The following UBR4 variants were observed in gnomAD, a reference collection of about 807,000 sequenced individuals.
The protein encoded by UBR4 is E3 ubiquitin-protein ligase UBR4.
Under a neutral mutation model 575.6 loss-of-function variants are expected in UBR4, and 124 were observed. The observed-to-expected ratio is 0.22, with a 90% CI of 0.19 to 0.25. UBR4 has a LOEUF of 0.25. Among genes scored for constraint, UBR4 ranks in the 10% least tolerant of loss-of-function variants. UBR4 has a pLI of 1.00. For synonymous variants in UBR4, 2,455 were observed against 2,473.7 expected, an observed-to-expected ratio of 0.99 and a Z score of 0.22; for missense variants, 4,818 against 6,478.8, an observed-to-expected ratio of 0.74 and a Z score of 8.80.
rs151142373 is a variant in UBR4, at chr1:19,141,378, G to A, written c.8457C>T (p.Ala2819=). 5.6e-6 allele frequency: 9 copies of A among 1,614,118 alleles called. No homozygotes were observed. The African/African-American group carries it at 8.0e-5, about 14-fold the overall frequency. ...DADDETMVEL[A]IALSLQQDQQ... is the part of the protein sequence containing the mutation. ...GGTCCTGCTGCAGGCTCAGGGCAAT[G>A]GCTAGTTCAACCATGGTCTCGTCAT... The change falls in exon 57 of 106, where the codon GCC becomes GCT. Residue 2819 remains alanine, a synonymous_variant. Transcript: ENST00000375254.
At chr1:19,160,871 G>A (rs776295100) in intron 38 of UBR4, 46 bp downstream of exon 38, 2 of 1,582,974 alleles carry the variant, frequency 1.3e-6, no homozygotes, top group Non-Finnish European at 1.7e-6. Context: ...CAATTCAACA[G>A]GCTCTGAACT....
chr1:19,110,404 A>T lies in UBR4; in HGVS notation c.11953T>A (p.Cys3985Ser). 6.2e-7 allele frequency: 1 copy of T among 1,614,182 alleles called. No individual in the cohort carries two copies. The highest frequency in any genetic ancestry group is 1.7e-5 in the Admixed American group (1 of 60,022). The change falls in exon 80 of 106, where the codon TGC becomes AGC. Residue 3985 changes from cysteine to serine, a missense_variant. Coordinates refer to ENST00000375254, the MANE Select transcript of UBR4 (RefSeq NM_020765.3). This position sits in a 1 kb window ranked among gnomAD's most constrained non-coding sequence, Gnocchi z 4.5. Reference protein sequence around the residue: ...LTDSISKEDSCWELRLRCALS... With the variant: ...LTDSISKEDSSWELRLRCALS... ...CCACAGCGTAACCGGAGCTCCCAGCAGCTGTCCTCCTTGGAGATAGAATCC... is the reference window on the plus strand; with the variant it reads ...CCACAGCGTAACCGGAGCTCCCAGCTGCTGTCCTCCTTGGAGATAGAATCC...
chr1:19,112,602 T>C lies in UBR4; in HGVS notation c.11723A>G (p.Glu3908Gly). The C allele has an allele frequency of 6.2e-7, 1 of 1,614,218 alleles. No individual in the cohort carries two copies. The highest frequency in any genetic ancestry group is 8.5e-7 in the Non-Finnish European group (1 of 1,180,038). The change falls in exon 78 of 106, where the codon GAG becomes GGG. Residue 3908 changes from glutamate to glycine, a missense_variant. This residue lies in a region of UBR4 where 333 missense variants were observed against 459.2 expected (regional missense o/e 0.73). Transcript: ENST00000375254. ...TCGGCGAAGATTATAATCAAAGAGCTCCCGGATAAGGCCCTGGGAGACAAG... is the reference window on the plus strand; with the variant it reads ...TCGGCGAAGATTATAATCAAAGAGCCCCCGGATAAGGCCCTGGGAGACAAG... ...HILVSQGLIR[E>G]LFDYNLRRGA...
intron 8 of UBR4, 95 bp from the exon 9 acceptor site, chr1:19,193,652 C>A: frequency 1.4e-6 from 2 of 1,448,834 alleles, no homozygotes; most frequent in Non-Finnish European, 1.8e-6. Context: ...CAAGCAATTC[C>A]ATGATTTGAC....
rs981593868 is a variant in UBR4, at chr1:19,205,886, CAGAA to C, written c.177-4075_177-4072del. Among the ~76,000 whole-genome samples the C allele has an allele frequency of 4.2e-4, 64 of 152,262 alleles. 2 individuals carry two copies. Among genetic ancestry groups the C allele is most frequent in the South Asian group, 2.1e-4 (1 of 4,820 alleles). ...TATCATTAAAAAGGCCAGGTCAGCT[CAGAA>C]AGAATTGGCTCAGAGAGAAGGAGCA... On this transcript the variant is annotated intron_variant, in intron 1 of 105. Transcript: ENST00000375254.
At chr1:19,175,072 C>CTT in intron 20 of UBR4, 39 bp from the exon 21 acceptor site, 4 of 1,564,578 alleles carry the variant, frequency 2.6e-6, no homozygotes, top group Non-Finnish European at 3.5e-6. Context: ...TGGTTCCATT[C>CTT]TTAACTCTAT....
chr1:19,117,398 G>C lies in UBR4; in HGVS notation c.10646C>G (p.Ser3549Cys). 1 of 1,614,152 alleles carries C rather than the reference G, an allele frequency of 6.2e-7. No homozygotes were observed. The highest frequency in any genetic ancestry group is 8.5e-7 in the Non-Finnish European group (1 of 1,180,022). The change falls in exon 73 of 106, where the codon TCC becomes TGC. Residue 3549 changes from serine to cysteine, a missense_variant. Ser to Cys is a moderately radical substitution (Grantham distance 112, BLOSUM62 -1). Coordinates refer to ENST00000375254, the MANE Select transcript of UBR4 (RefSeq NM_020765.3). This position sits in a 1 kb window ranked among gnomAD's most constrained non-coding sequence, Gnocchi z 4.0. Reference sequence around the variant, plus strand: ...GGTGTACCGCGTGTCCACTTTAATGGAAGACAGCTTGATATACTAAATACA... The same window carrying C: ...GGTGTACCGCGTGTCCACTTTAATGCAAGACAGCTTGATATACTAAATACA... ...EVPFCYIKLSSIKVDTRYTTT... is the reference protein window; with the variant it reads ...EVPFCYIKLSCIKVDTRYTTT...
At chr1:19,178,326 T>C (rs2090501789) in intron 18 of UBR4, among the ~76,000 whole-genome samples, 1 of 152,248 alleles carries the variant, frequency 6.6e-6, no homozygotes, top group South Asian at 2.1e-4. Context: ...GCCAACTGTT[T>C]CCATTGCCTT....
rs766990899 is a variant in UBR4 at position 19,164,867 on chromosome 1, C to T, written c.4443G>A (p.Gln1481=). The change falls in exon 32 of 106, where the codon CAG becomes CAA. Residue 1481 remains glutamine, a synonymous_variant. Coordinates refer to ENST00000375254, the MANE Select transcript of UBR4 (RefSeq NM_020765.3). ...GCCGGTTCTCCTGAATTACATCCAG[C>T]TGATCAGAATCTTTTGGGGGCGATG... ...MTTSPPKDSD[Q]LDVIQENRQL... The T allele has an allele frequency of 8.7e-6, 14 of 1,614,058 alleles. No homozygotes were observed. The Admixed American group carries it at 2.2e-4, about 25-fold the overall frequency.
chr1:19,131,263 A>AT (rs1181744234), intron 60 of UBR4, among the ~76,000 whole-genome samples: 17 of 149,818 alleles, frequency 1.1e-4, no homozygotes, highest in East Asian at 9.7e-4. Flanking sequence ...AAAAAAAAAA[A>AT]AAAAAATAAA....
At chr1:19,195,128 G>C (rs888273587) in intron 8 of UBR4, among the ~76,000 whole-genome samples, 4 of 151,442 alleles carry the variant, frequency 2.6e-5, no homozygotes, top group Admixed American at 6.6e-5. Context: ...AGCCGGGCAT[G>C]GTAGTGGGCA....
chr1:19,183,276 G>A (rs897750443), intron 17 of UBR4, among the ~76,000 whole-genome samples: 1 of 151,980 alleles, frequency 6.6e-6, no homozygotes, highest in African/African-American at 2.4e-5. Flanking sequence ...TGTTTTTGTG[G>A]GTTTTCCTTT....
intron 30 of UBR4, 73 bp from the exon 31 acceptor site, chr1:19,165,422 A>G: frequency 7.5e-7 from 1 of 1,339,130 alleles, no homozygotes; most frequent in Admixed American, 1.8e-5. Flanking sequence ...CTTTCTTCAC[A>G]ATCTCATCTC....
intron 104 of UBR4, 64 bp from the exon 105 acceptor site, chr1:19,076,966 A>C: frequency 6.6e-7 from 1 of 1,505,364 alleles, no homozygotes. Context: ...TTCCGCCTCA[A>C]GTCAGTCAGG....
Position 19,107,829 on chromosome 1 carries a change from T to C in UBR4, c.12106-863A>G, listed in dbSNP as rs181276605. Among the ~76,000 whole-genome samples the C allele has an allele frequency of 1.2e-4, 18 of 152,266 alleles. No homozygotes were observed. In the East Asian group the frequency reaches 3.5e-3, roughly 29 times the overall value. ...AAACACTGAGAAATTCTGAAGATAT[T>C]TGTTAATTCATTGAAAAAGAAGAGT... is the stretch of plus-strand genomic sequence containing the variant. On this transcript the variant is annotated intron_variant, in intron 81 of 105. Transcript: ENST00000375254.
At chr1:19,165,103 T>G (rs919443154) in intron 31 of UBR4, 106 bp from the exon 32 acceptor site, 14 of 1,530,102 alleles carry the variant, frequency 9.1e-6, no homozygotes, top group Non-Finnish European at 1.2e-5. Flanking sequence ...CAAAGCAAGT[T>G]TTCAACTTCC....
In UBR4 at chr1:19,081,404, G is replaced by A. The variant is rs201737964; in HGVS notation, c.15178C>T (p.Arg5060Trp). The A allele has an allele frequency of 8.9e-5, 144 of 1,613,680 alleles. 1 individual carries two copies. The highest frequency in any genetic ancestry group is 3.6e-4 in the South Asian group (33 of 91,056). The change falls in exon 103 of 106, where the codon CGG (arginine) becomes TGG (tryptophan). Residue 5060 changes from arginine to tryptophan, a missense_variant. Transcript: ENST00000375254. ...GCCTGCGAGGTCACCAACAGCCTCC[G>A]CAAGATTTCCACACGTGTGGCTCTC... is the stretch of plus-strand genomic sequence containing the variant. Reference protein sequence around the residue: ...QWRATRVEILRRLLVTSQARA... With the variant: ...QWRATRVEILWRLLVTSQARA...
rs146935839 is a variant in UBR4, at chr1:19,197,022, G to A, written c.1018+119C>T. The stretch of plus-strand genomic sequence containing the variant: ...ATTTCACCTTGATGCGACGTTAGAT[G>A]ATCCTTGAGAGAAGGAAGCAAGGGG... On this transcript the variant is annotated intron_variant, in intron 8 of 105. Coordinates refer to ENST00000375254, the MANE Select transcript of UBR4 (RefSeq NM_020765.3). 1.1e-3 allele frequency: 1,407 copies of A among 1,242,742 alleles called. 5 individuals are homozygous for A. The African/African-American group carries it at 0.012, about 11-fold the overall frequency. 77.0% of individuals were successfully genotyped at this position (1,242,742 alleles called of 1,614,324 possible).
intron 60 of UBR4, among the ~76,000 whole-genome samples, chr1:19,137,533 A>G (rs1313254613): frequency 6.6e-6 from 1 of 152,172 alleles, no homozygotes; most frequent in African/African-American, 2.4e-5. Context: ...CACCACTGGT[A>G]TTTCTAGCCA....
Sources: gnomAD v4.1 joint callset for allele counts (sites outside exome capture counted in the v4.1 genomes callset) on GRCh38, gnomAD v4.1.1 for gene constraint, gnomAD v4.1.1 regional missense constraint, Gnocchi (gnomAD v3.1) non-coding constraint, MANE v1.5 for transcripts, NCBI Gene and HGNC (gene_info 2026-07-23, HGNC 2026-07-21) for gene names.